AGPAT4: variants seen among roughly 807,000 people sequenced by gnomAD.
AGPAT4 encodes 1-acylglycerol-3-phosphate O-acyltransferase 4.
Under a neutral mutation model 48.0 loss-of-function variants are expected in AGPAT4, and 15 were observed. The observed-to-expected ratio is 0.31, with a 90% CI of 0.21 to 0.48. AGPAT4 has a LOEUF of 0.48. Among genes scored for constraint, AGPAT4 ranks in the 20% least tolerant of loss-of-function variants. The pLI, the probability that AGPAT4 is intolerant of heterozygous loss-of-function variation, is 0.99. For missense variants in AGPAT4, 314 were observed against 482.5 expected (o/e 0.65, Z 3.27); for synonymous variants, 178 against 198.7 (o/e 0.90, Z 0.88).
rs1779534132 is a variant in AGPAT4 at position 161,149,745 on chromosome 6, T to G, written c.665-456A>C. Among the ~76,000 whole-genome samples, 1 of 152,114 alleles carries G rather than the reference T, an allele frequency of 6.6e-6. No individual in the cohort carries two copies. The highest frequency in any genetic ancestry group is 1.5e-5 in the Non-Finnish European group (1 of 68,024). Reference sequence around the variant, plus strand: ...TTAGTAGAGTCAGGGATTCACCATGTTGGTCAGACTGGTCTTGAACTCCTG... The same window carrying G: ...TTAGTAGAGTCAGGGATTCACCATGGTGGTCAGACTGGTCTTGAACTCCTG... On this transcript the variant is annotated intron_variant, in intron 5 of 8. Coordinates refer to ENST00000320285, the MANE Select transcript of AGPAT4 (RefSeq NM_020133.3). This position sits in a 1 kb window ranked among gnomAD's most constrained non-coding sequence, Gnocchi z 6.5.
In AGPAT4 at chr6:161,161,661, C is replaced by A. The variant is rs1387592509; in HGVS notation, c.348+4587G>T. On this transcript the variant is annotated intron_variant, in intron 3 of 8. Coordinates refer to ENST00000320285, the MANE Select transcript of AGPAT4 (RefSeq NM_020133.3). This position sits in a 1 kb window ranked among gnomAD's most constrained non-coding sequence, Gnocchi z 4.6. ...TATCTGGAAACTTCTAACTTCTCTTCAGCCAAAGAGCCCTTGACAAGTGCA... is the reference window on the plus strand; with the variant it reads ...TATCTGGAAACTTCTAACTTCTCTTAAGCCAAAGAGCCCTTGACAAGTGCA... The A allele has an allele frequency of 1.1e-5, 4 of 360,730 alleles. No individual in the cohort carries two copies. Among genetic ancestry groups the A allele is most frequent in the Non-Finnish European group, 2.2e-5 (4 of 181,026 alleles). The allele number at this position is 360,730 out of a possible 1,614,324, so 22.3% of individuals were successfully genotyped here.
chr6:161,168,683 A>G (rs1038890589), intron 2 of AGPAT4, among the ~76,000 whole-genome samples: 4 of 152,216 alleles, frequency 2.6e-5, no homozygotes, highest in African/African-American at 9.7e-5. Flanking sequence ...ATGATTAAAC[A>G]TTAGATCAGA....
chr6:161,259,674 G>A lies in AGPAT4; in HGVS notation c.-90+14264C>T, dbSNP rs1380562570. On this transcript the variant is annotated intron_variant, in intron 1 of 8. Transcript: ENST00000320285. This position sits in a 1 kb window ranked among gnomAD's most constrained non-coding sequence, Gnocchi z 4.9. ...AGCAGAGCCTTACCCCAACTGTGGG[G>A]TCCCAGGTCACCGCACAGTTCACAT... Among the ~76,000 whole-genome samples the A allele has an allele frequency of 6.6e-6, 1 of 152,118 alleles. No homozygotes were observed. The highest frequency in any genetic ancestry group is 2.4e-5 in the African/African-American group (1 of 41,448).
At chr6:161,168,360 C>T (rs560366909) in intron 2 of AGPAT4, among the ~76,000 whole-genome samples, 1 of 152,232 alleles carries the variant, frequency 6.6e-6, no homozygotes, top group South Asian at 2.1e-4. Context: ...TTCCAAGAGA[C>T]TCACATTTCG....
rs574594872 is a variant in AGPAT4 at position 161,238,459 on chromosome 6, C to T, written c.-89-6157G>A. The stretch of plus-strand genomic sequence containing the variant: ...TCGTCAACTCAGTTTTCCTTCTCTA[C>T]CTATCTAGATCAAGACATTGTCTTT... On this transcript the variant is annotated intron_variant, in intron 1 of 8. Coordinates refer to ENST00000320285, the MANE Select transcript of AGPAT4 (RefSeq NM_020133.3). The surrounding 1 kb of genome is among the most constrained non-coding windows in gnomAD (Gnocchi z 5.2). 1.3e-5 allele frequency among the ~76,000 whole-genome samples: 2 copies of T among 152,268 alleles called. No homozygotes were observed. Among genetic ancestry groups the T allele is most frequent in the South Asian group, 4.2e-4 (2 of 4,818 alleles).
chr6:161,213,537 T>G (rs1249999888), intron 2 of AGPAT4, among the ~76,000 whole-genome samples: 1 of 152,230 alleles, frequency 6.6e-6, no homozygotes, highest in Non-Finnish European at 1.5e-5. Context: ...TTTCCCAATT[T>G]TTCCTAATTT....
chr6:161,172,442 A>T (rs1348702240), intron 2 of AGPAT4, among the ~76,000 whole-genome samples: 1 of 152,100 alleles, frequency 6.6e-6, no homozygotes, highest in African/African-American at 2.4e-5. Flanking sequence ...GGGCATCCCA[A>T]GGTGCACACA....
rs576357097 is a variant in AGPAT4 at position 161,214,564 on chromosome 6, G to A, written c.178+17472C>T. Among the ~76,000 whole-genome samples, 29 of 152,184 alleles carry A rather than the reference G, an allele frequency of 1.9e-4. No individual in the cohort carries two copies. Among genetic ancestry groups the A allele is most frequent in the African/African-American group, 6.7e-4 (28 of 41,536 alleles). ...GCGGATCAATTGAAGTCAGGAGTTC[G>A]AGACCAGCCTAGCCAACATGGTGAA... On this transcript the variant is annotated intron_variant, in intron 2 of 8. Coordinates refer to ENST00000320285, the MANE Select transcript of AGPAT4 (RefSeq NM_020133.3). The surrounding 1 kb of genome is among the most constrained non-coding windows in gnomAD (Gnocchi z 5.4).
At chr6:161,247,783 G>A (rs1391981804) in intron 1 of AGPAT4, among the ~76,000 whole-genome samples, 1 of 151,986 alleles carries the variant, frequency 6.6e-6, no homozygotes, top group Non-Finnish European at 1.5e-5. Context: ...AGGAGTTCGA[G>A]ACCAGCCTGA....
intron 5 of AGPAT4, among the ~76,000 whole-genome samples, chr6:161,150,096 G>A (rs1468445203): frequency 6.6e-6 from 1 of 152,210 alleles, no homozygotes; most frequent in Non-Finnish European, 1.5e-5. Context: ...AGATACTGAT[G>A]AGAAACTCCT....
At chr6:161,156,340 GC>G (rs1779768568) in intron 3 of AGPAT4, among the ~76,000 whole-genome samples, 1 of 152,172 alleles carries the variant, frequency 6.6e-6, no homozygotes, top group Admixed American at 6.5e-5. Flanking sequence ...GTCTGCAGCT[GC>G]CTTCACGCTA....
intron 2 of AGPAT4, among the ~76,000 whole-genome samples, chr6:161,207,429 A>G (rs1781405705): frequency 6.6e-6 from 1 of 152,228 alleles, no homozygotes; most frequent in Non-Finnish European, 1.5e-5. Context: ...ACGCTGGGCC[A>G]TGCTGTGAAG....
chr6:161,265,476 G>C (rs563012788), intron 1 of AGPAT4, among the ~76,000 whole-genome samples: 1 of 151,360 alleles, frequency 6.6e-6, no homozygotes, highest in African/African-American at 2.4e-5. Context: ...AGTACCCACC[G>C]CTGGACTGGG....
intron 1 of AGPAT4, among the ~76,000 whole-genome samples, chr6:161,250,750 A>G (rs1253606630): frequency 3.9e-5 from 6 of 152,212 alleles, no homozygotes; most frequent in Admixed American, 3.9e-4. Context: ...CTAGCAATAT[A>G]TATAAATACC....
Position 161,139,575 on chromosome 6 carries a change from T to C in AGPAT4, c.889A>G (p.Thr297Ala). The change falls in exon 8 of 9, where the codon ACG (threonine) becomes GCG (alanine). Residue 297 changes from threonine to alanine, a missense_variant. Thr to Ala is a moderately conservative substitution (Grantham distance 58). Transcript: ENST00000320285. The surrounding 1 kb of genome is among the most constrained non-coding windows in gnomAD (Gnocchi z 9.1). ...GGCCGCCGGGGGGGCACCATGGGCG[T>C]CTCTGGGAAGGTGCCCGTCCTGTAG... is the stretch of plus-strand genomic sequence containing the variant. ...EYYRTGTFPE[T>A]PMVPPRRPWT... 1 of 1,613,442 alleles carries C rather than the reference T, an allele frequency of 6.2e-7. No homozygotes were observed. The highest frequency in any genetic ancestry group is 8.5e-7 in the Non-Finnish European group (1 of 1,179,708).
chr6:161,257,193 C>T (rs931444433), intron 1 of AGPAT4, among the ~76,000 whole-genome samples: 3 of 152,092 alleles, frequency 2.0e-5, no homozygotes, highest in Admixed American at 6.6e-5. Flanking sequence ...ATCCATCACC[C>T]GGTGAATAAA....
intron 1 of AGPAT4, among the ~76,000 whole-genome samples, chr6:161,257,683 A>C (rs975957532): frequency 2.0e-5 from 3 of 152,244 alleles, no homozygotes; most frequent in African/African-American, 7.2e-5. Context: ...TGAGAAGTCA[A>C]TTTAAATTAA....
Position 161,195,783 on chromosome 6 carries a change from C to T in AGPAT4, c.179-29366G>A, listed in dbSNP as rs1189757672. On this transcript the variant is annotated intron_variant, in intron 2 of 8. Transcript: ENST00000320285. This position sits in a 1 kb window ranked among gnomAD's most constrained non-coding sequence, Gnocchi z 5.0. ...CATTTAGGGAGGCATGCCACACCCT[C>T]GGGGCTCGTCACACAGGCATGGCTC... Among the ~76,000 whole-genome samples the T allele has an allele frequency of 6.6e-6, 1 of 152,124 alleles. No homozygotes were observed. The highest frequency in any genetic ancestry group is 1.5e-5 in the Non-Finnish European group (1 of 68,024).
In AGPAT4 at chr6:161,259,045, G is replaced by A. The variant is rs773507470; in HGVS notation, c.-90+14893C>T. Reference sequence around the variant, plus strand: ...ACTCCTGACCTCAAGTGATCCTCCCGCCTCAGCCTCCCAAAGTGCTGGGAT... The same window carrying A: ...ACTCCTGACCTCAAGTGATCCTCCCACCTCAGCCTCCCAAAGTGCTGGGAT... On this transcript the variant is annotated intron_variant, in intron 1 of 8. Coordinates refer to ENST00000320285, the MANE Select transcript of AGPAT4 (RefSeq NM_020133.3). The surrounding 1 kb of genome is among the most constrained non-coding windows in gnomAD (Gnocchi z 4.9). 1.3e-5 allele frequency among the ~76,000 whole-genome samples: 2 copies of A among 151,948 alleles called. No individual in the cohort carries two copies.
Sources: gnomAD v4.1 joint callset for allele counts (sites outside exome capture counted in the v4.1 genomes callset) on GRCh38, gnomAD v4.1.1 for gene constraint, Gnocchi (gnomAD v3.1) non-coding constraint, MANE v1.5 for transcripts, NCBI Gene and HGNC (gene_info 2026-07-23, HGNC 2026-07-21) for gene names.